Variants in ZNF573 observed in about 807,000 individuals in gnomAD.
ZNF573 encodes zinc finger protein 573.
Under a neutral mutation model 57.4 loss-of-function variants are expected in ZNF573, and 41 were observed. The observed-to-expected ratio is 0.71, with a 90% CI of 0.56 to 0.93. ZNF573 has a LOEUF of 0.93. Ranked by LOEUF, ZNF573 falls within the 40% of genes least tolerant of loss-of-function variation. ZNF573 has a pLI of 0.00. For missense variants in ZNF573, 730 were observed against 794.8 expected (o/e 0.92, Z 0.98); for synonymous variants, 249 against 261.0 (o/e 0.95, Z 0.44).
chr19:37,773,534 A>G, intron 2 of ZNF573, 127 bp downstream of exon 2: 1 of 643,728 alleles, frequency 1.6e-6, no homozygotes. Context: ...CACTATTCAC[A>G]ATATTAGAAG....
At position 37,764,765 on chromosome 19, in the gene ZNF573, G is replaced by A. The variant is rs1036480938; in HGVS notation, c.295+5240C>T. Among the ~76,000 whole-genome samples, 11 of 149,592 alleles carry A rather than the reference G, an allele frequency of 7.4e-5. No homozygotes were observed. In the South Asian group the frequency reaches 1.9e-3, roughly 26 times the overall value. ...ACTACAGGTGCCCGCCACCACGCCC[G>A]ACAAACTTTTTGTATTTTTTGTAGA... On this transcript the variant is annotated intron_variant, in intron 4 of 4. Coordinates refer to ENST00000536220, the MANE Select transcript of ZNF573 (RefSeq NM_001172690.2).
At position 37,740,163 on chromosome 19, in the gene ZNF573, G is replaced by A. The variant is rs1357729419; in HGVS notation, c.327C>T (p.Tyr109=). ...DLDLQCEIIS[Y]IEVPTYETDI... ...CTGTTTCATAAGTGGGTACTTCTAT[G>A]TAGCTGATTATCTCACACTGTAAAT... Residue 109 remains tyrosine (Y), a synonymous_variant, in exon 5 of 5, where the codon TAC becomes TAT. Coordinates refer to ENST00000536220, the MANE Select transcript of ZNF573 (RefSeq NM_001172690.2). 1 of 1,595,694 alleles carries A rather than the reference G, an allele frequency of 6.3e-7. No homozygotes were observed. The highest frequency in any genetic ancestry group is 2.2e-5 in the East Asian group (1 of 44,578).
chr19:37,770,041 G>C lies in ZNF573; in HGVS notation c.259C>G (p.Pro87Ala). Residue 87 changes from proline (P) to alanine (A), a missense_variant, in exon 4 of 5, where the codon CCC (proline) becomes GCC (alanine). Coordinates refer to ENST00000536220, the MANE Select transcript of ZNF573 (RefSeq NM_001172690.2). The part of the protein sequence containing the change: ...VVDLLERGKE[P>A]WMILREETQF... ...GTTTCTTCCCTCAAAATCATCCAGGGCTCTTTTCCTCGCTCCAGTAAATCA... is the reference window on the plus strand; with the variant it reads ...GTTTCTTCCCTCAAAATCATCCAGGCCTCTTTTCCTCGCTCCAGTAAATCA... 6.4e-7 allele frequency: 1 copy of C among 1,551,970 alleles called. No homozygotes were observed.
intron 4 of ZNF573, among the ~76,000 whole-genome samples, chr19:37,747,874 G>T (rs1169811132): frequency 6.6e-6 from 1 of 152,082 alleles, no homozygotes; most frequent in African/African-American, 2.4e-5. Context: ...TTTTAGTAGA[G>T]ACGGGGTTTC....
intron 4 of ZNF573, among the ~76,000 whole-genome samples, chr19:37,743,026 CA>C (rs1599682518): frequency 6.6e-6 from 1 of 152,150 alleles, no homozygotes; most frequent in East Asian, 1.9e-4. Context: ...AGACACTTCT[CA>C]AAAGAAGACA....
intron 4 of ZNF573, among the ~76,000 whole-genome samples, chr19:37,769,389 G>A (rs1355720195): frequency 6.6e-6 from 1 of 152,028 alleles, no homozygotes; most frequent in Non-Finnish European, 1.5e-5. Flanking sequence ...CAAAAGGGGA[G>A]CTGGAAAAAC....
chr19:37,766,419 T>C (rs1370610047), intron 4 of ZNF573, among the ~76,000 whole-genome samples: 2 of 152,224 alleles, frequency 1.3e-5, no homozygotes, highest in African/African-American at 2.4e-5. Context: ...TGGAAGTTTC[T>C]TGCAAAGGCA....
chr19:37,764,060 CCT>C (rs202077656), intron 4 of ZNF573, among the ~76,000 whole-genome samples: 9,771 of 87,218 alleles, frequency 0.11, 413 homozygotes, highest in African/African-American at 0.18. Context: ...CGAAACTCTG[CCT>C]CAAAAAAAAA....
At chr19:37,766,021 CAA>C (rs1307514164) in intron 4 of ZNF573, among the ~76,000 whole-genome samples, 1 of 151,046 alleles carries the variant, frequency 6.6e-6, no homozygotes, top group Non-Finnish European at 1.5e-5. Flanking sequence ...GCCTGGGCGA[CAA>C]GAGCAAAACT....
At chr19:37,747,966 A>G (rs942402206) in intron 4 of ZNF573, among the ~76,000 whole-genome samples, 1 of 152,154 alleles carries the variant, frequency 6.6e-6, no homozygotes, top group Non-Finnish European at 1.5e-5. Flanking sequence ...GATTACAGGC[A>G]TGAGCCACCG....
chr19:37,756,851 A>T (rs1407254031), intron 4 of ZNF573, among the ~76,000 whole-genome samples: 1 of 151,996 alleles, frequency 6.6e-6, no homozygotes, highest in Non-Finnish European at 1.5e-5. Flanking sequence ...CTATACAGTC[A>T]TATATATAGC....
At chr19:37,770,861 TATATATATATA>T (rs2045652151) in intron 3 of ZNF573, among the ~76,000 whole-genome samples, 4 of 103,592 alleles carry the variant, frequency 3.9e-5, no homozygotes, top group Non-Finnish European at 6.0e-5. Context: ...TATATATATA[TATATATATATA>T]TTCCCCCTCC....
chr19:37,751,969 C>T (rs1021773261), intron 4 of ZNF573, among the ~76,000 whole-genome samples: 3 of 133,600 alleles, frequency 2.2e-5, no homozygotes, highest in African/African-American at 8.3e-5. Context: ...CGTATATATA[C>T]TGTATATAGT....
Position 37,738,995 on chromosome 19 carries a change from T to C in ZNF573, c.1495A>G (p.Lys499Glu). ...AAGGTCTTGCCACATTCCTTACATT[T>C]ATAGGGTTTCTCACCAGTATGAGTT... Reference protein sequence around the residue: ...RKTHTGEKPYKCKECGKTFSL... With the variant: ...RKTHTGEKPYECKECGKTFSL... The change falls in exon 5 of 5, where the codon AAA becomes GAA. Residue 499 changes from lysine to glutamate, a missense_variant. By Grantham distance (56) the Lys-to-Glu change is moderately conservative. Coordinates refer to ENST00000536220, the MANE Select transcript of ZNF573 (RefSeq NM_001172690.2). 2.5e-6 allele frequency: 4 copies of C among 1,613,194 alleles called. No individual in the cohort carries two copies. Among genetic ancestry groups the C allele is most frequent in the Non-Finnish European group, 3.4e-6 (4 of 1,179,744 alleles).
chr19:37,773,707 T>C lies in ZNF573; in HGVS notation c.23A>G (p.His8Arg). The change falls in exon 2 of 5, where the codon CAC becomes CGC. Residue 8 changes from histidine to arginine, a missense_variant. Transcript: ENST00000536220. ...GTAAGACCTGATCAGTCCTACTTGG[T>C]GGGGTTCCAATACTGGAAACATTCA... MFPVLEP[H>R]QVGLIRSYNS... The C allele has an allele frequency of 6.5e-7, 1 of 1,535,862 alleles. No homozygotes were observed. Among genetic ancestry groups the C allele is most frequent in the South Asian group, 1.2e-5 (1 of 84,048 alleles).
In ZNF573 at chr19:37,739,876, A is replaced by G. The variant is rs554706910; in HGVS notation, c.614T>C (p.Leu205Pro). The G allele has an allele frequency of 1.1e-5, 18 of 1,614,094 alleles. No individual in the cohort carries two copies. In the African/African-American group the frequency reaches 2.4e-4, roughly 22 times the overall value. ...AGTATGAAATCTCTGATGCACAGTCAGCTGATAACCACTTCTAAAGTTCTT... is the reference window on the plus strand; with the variant it reads ...AGTATGAAATCTCTGATGCACAGTCGGCTGATAACCACTTCTAAAGTTCTT... ...CGKNFRSGYQ[L>P]TVHQRFHTGE... The change falls in exon 5 of 5, where the codon CTG becomes CCG. Residue 205 changes from leucine to proline, a missense_variant. By Grantham distance (98) the Leu-to-Pro change is moderately conservative. Coordinates refer to ENST00000536220, the MANE Select transcript of ZNF573 (RefSeq NM_001172690.2).
At chr19:37,750,741 C>G (rs958896052) in intron 4 of ZNF573, among the ~76,000 whole-genome samples, 29 of 150,674 alleles carry the variant, frequency 1.9e-4, no homozygotes, top group Admixed American at 6.0e-4. Flanking sequence ...AATCCCAGCA[C>G]TTTGGGACTC....
intron 1 of ZNF573, among the ~76,000 whole-genome samples, chr19:37,774,804 A>G (rs577000221): frequency 2.0e-5 from 3 of 152,124 alleles, no homozygotes; most frequent in African/African-American, 7.2e-5. Flanking sequence ...CAACATGATC[A>G]TATGTTACCA....
Position 37,776,842 on chromosome 19 carries a change from C to A in ZNF573, c.-23+2702G>T, listed in dbSNP as rs148197632. On this transcript the variant is annotated intron_variant, in intron 1 of 4. Transcript: ENST00000536220. ...AGGCTAAGGATATGAATAGACAATT[C>A]TCAAAAGAAGATATACAAATGGTCA... 7.5e-3 allele frequency among the ~76,000 whole-genome samples: 1,148 copies of A among 152,162 alleles called. 18 individuals are homozygous for A. Among genetic ancestry groups the A allele is most frequent in the Middle Eastern group, 0.048 (14 of 294 alleles).
Sources: allele counts gnomAD v4.1 joint callset (sites outside exome capture counted in the v4.1 genomes callset), GRCh38; gene constraint gnomAD v4.1.1; transcripts MANE v1.5; gene names NCBI Gene and HGNC (gene_info 2026-07-23, HGNC 2026-07-21).